Variants in CLASP2 observed in about 807,000 individuals in gnomAD.
The protein encoded by CLASP2 is CLIP-associating protein 2.
In CLASP2, 47 loss-of-function variants were observed where a neutral mutation model predicts 194.4. The observed-to-expected ratio is 0.24, with a 90% confidence interval of 0.19 to 0.31. The LOEUF is 0.31. Ranked by LOEUF, CLASP2 falls within the 10% of genes least tolerant of loss-of-function variation. CLASP2 has a pLI of 1.00. For missense variants in CLASP2, 1,445 were observed against 1,823.6 expected (o/e 0.79, Z 3.78); for synonymous variants, 619 against 633.5 (o/e 0.98, Z 0.34).
intron 30 of CLASP2, among the ~76,000 whole-genome samples, chr3:33,546,921 G>C (rs981558273): frequency 7.2e-5 from 11 of 152,250 alleles, no homozygotes; most frequent in Middle Eastern, 3.4e-3. Flanking sequence ...CTAAGCTTCT[G>C]ATACCATATC....
In CLASP2 at chr3:33,632,332, T is replaced by C. The variant is rs756907900; in HGVS notation, c.902A>G (p.Asp301Gly). The change falls in exon 9 of 39, where the codon GAT (aspartate) becomes GGT (glycine). Residue 301 changes from aspartate to glycine, a missense_variant. Around this residue, in one of 4 missense-constraint regions of CLASP2, gnomAD observed 207 missense variants for 331.4 expected, o/e 0.62. Coordinates refer to ENST00000682230, the MANE Select transcript of CLASP2 (RefSeq NM_001365631.1). ...KEGGAGAVDE[D>G]DFIKAFTDVP... ...ATCTGTAAAAGCTTTTATAAAATCA[T>C]CTTCATCAACTGCTCCAGCACCTCC... The C allele has an allele frequency of 3.1e-6, 5 of 1,605,778 alleles. No individual in the cohort carries two copies. The highest frequency in any genetic ancestry group is 4.5e-5 in the East Asian group (2 of 44,594).
intron 11 of CLASP2, 21 bp from the exon 12 acceptor site, chr3:33,619,759 T>A: frequency 1.3e-6 from 2 of 1,547,886 alleles, no homozygotes; most frequent in Non-Finnish European, 1.7e-6. Context: ...AGACAAAAAG[T>A]ATTTTTTAAT....
At chr3:33,697,746 A>C (rs2092054615) in intron 1 of CLASP2, among the ~76,000 whole-genome samples, 1 of 152,224 alleles carries the variant, frequency 6.6e-6, no homozygotes, top group Admixed American at 6.5e-5. Flanking sequence ...GGTCTACAAA[A>C]TCATGACTGT....
At chr3:33,681,539 A>G (rs1297250753) in intron 6 of CLASP2, among the ~76,000 whole-genome samples, 1 of 152,228 alleles carries the variant, frequency 6.6e-6, no homozygotes, top group Non-Finnish European at 1.5e-5. Flanking sequence ...ATAACATGTT[A>G]AACTATATAC....
chr3:33,515,629 A>G lies in CLASP2; in HGVS notation c.4110+394T>C, dbSNP rs567010504. ...ACACCACTGCACTCCAGCCTGGGCG[A>G]CAGAGTGAGATCCTGATTCAACAAA... On this transcript the variant is annotated intron_variant, in intron 36 of 38. Transcript: ENST00000682230. Among the ~76,000 whole-genome samples the G allele has an allele frequency of 3.9e-5, 6 of 152,262 alleles. No individual in the cohort carries two copies. The East Asian group carries it at 1.2e-3, about 29-fold the overall frequency.
In CLASP2 at chr3:33,700,213, G is replaced by A. The variant is rs542063124; in HGVS notation, c.196-3280C>T. 3.3e-5 allele frequency among the ~76,000 whole-genome samples: 5 copies of A among 152,206 alleles called. No individual in the cohort carries two copies. In the South Asian group the frequency reaches 1.0e-3, roughly 32 times the overall value. On this transcript the variant is annotated intron_variant, in intron 1 of 38. Coordinates refer to ENST00000682230, the MANE Select transcript of CLASP2 (RefSeq NM_001365631.1). ...TTTGGAAGGCAGGAAGATCACCTGA[G>A]GTCAGGAGTTCGAGACCAGCCTGGC...
chr3:33,501,341 G>A (rs527344905), intron 38 of CLASP2, among the ~76,000 whole-genome samples: 1 of 152,146 alleles, frequency 6.6e-6, no homozygotes, highest in East Asian at 1.9e-4. Context: ...CAGTGGTCAG[G>A]GGTAAAGATT....
At chr3:33,708,529 T>C (rs1292032332) in intron 1 of CLASP2, among the ~76,000 whole-genome samples, 4 of 32,704 alleles carry the variant, frequency 1.2e-4, no homozygotes, top group Non-Finnish European at 2.2e-4. Context: ...TATATGTATA[T>C]ATATATGTAT....
At chr3:33,599,104 C>CTTAT (rs10556405) in intron 18 of CLASP2, among the ~76,000 whole-genome samples, 3,216 of 150,360 alleles carry the variant, frequency 0.021, 35 homozygotes, top group East Asian at 0.037. Flanking sequence ...TTGTTGTTGT[C>CTTAT]TTATTTATTT....
chr3:33,708,536 G>GTATA lies in CLASP2; in HGVS notation c.195+9268_195+9271dup, dbSNP rs1559703667. 5.5e-4 allele frequency among the ~76,000 whole-genome samples: 7 copies of GTATA among 12,812 alleles called. No individual in the cohort carries two copies. In the Admixed American group the frequency reaches 7.5e-3, roughly 14 times the overall value. The allele number at this position is 12,812 out of a possible 152,430, so 8.4% of individuals were successfully genotyped here. A position where few individuals can be genotyped will look rare whatever the true frequency, so the allele number is the denominator to read the frequency against. Reference sequence around the variant, plus strand: ...TATATGTATATATGTATATATATATGTATATATGTATATATATATATATAT... The same window carrying GTATA: ...TATATGTATATATGTATATATATATGTATATATATATGTATATATATATATATAT... On this transcript the variant is annotated intron_variant, in intron 1 of 38. Coordinates refer to ENST00000682230, the MANE Select transcript of CLASP2 (RefSeq NM_001365631.1).
At chr3:33,716,413 A>T (rs185052021) in intron 1 of CLASP2, among the ~76,000 whole-genome samples, 88 of 152,334 alleles carry the variant, frequency 5.8e-4, no homozygotes, top group South Asian at 1.5e-3. Context: ...TGATTGCTCA[A>T]CTGTCATTCA....
intron 9 of CLASP2, among the ~76,000 whole-genome samples, chr3:33,629,977 A>G (rs1185732424): frequency 6.6e-6 from 1 of 152,144 alleles, no homozygotes; most frequent in East Asian, 1.9e-4. Flanking sequence ...GATCCTTGAA[A>G]TCGTGCAGAA....
At position 33,624,808 on chromosome 3, in the gene CLASP2, T is replaced by C. The variant is rs564995979; in HGVS notation, c.1035+2180A>G. Reference sequence around the variant, plus strand: ...TGAAACCATAGATAAGGGGAGACTATTGTAACCTGTGATTAAATTGGGTAA... The same window carrying C: ...TGAAACCATAGATAAGGGGAGACTACTGTAACCTGTGATTAAATTGGGTAA... On this transcript the variant is annotated intron_variant, in intron 10 of 38. Coordinates refer to ENST00000682230, the MANE Select transcript of CLASP2 (RefSeq NM_001365631.1). Among the ~76,000 whole-genome samples, 10 of 152,234 alleles carry C rather than the reference T, an allele frequency of 6.6e-5. No homozygotes were observed. In the East Asian group the frequency reaches 1.5e-3, roughly 23 times the overall value.
chr3:33,544,897 G>C, intron 30 of CLASP2, 56 bp from the exon 31 acceptor site: 2 of 1,315,188 alleles, frequency 1.5e-6, no homozygotes, highest in Non-Finnish European at 2.0e-6. Flanking sequence ...AAACAAGACC[G>C]TTTTCTTCCC....
chr3:33,550,074 T>A (rs1344082835), intron 30 of CLASP2, among the ~76,000 whole-genome samples: 1 of 151,954 alleles, frequency 6.6e-6, no homozygotes, highest in Non-Finnish European at 1.5e-5. Flanking sequence ...TGGAAATAAT[T>A]CACCAGAAAA....
In CLASP2 at chr3:33,585,599, T is replaced by A. The variant is rs372720623; in HGVS notation, c.2069-679A>T. ...TTTTTAAAGCTTTATTTCCAATGGT[T>A]TTTGGGGTAGAGGTGGTGTTTGGTG... On this transcript the variant is annotated intron_variant, in intron 21 of 38. Transcript: ENST00000682230. Among the ~76,000 whole-genome samples, 19 of 152,296 alleles carry A rather than the reference T, an allele frequency of 1.2e-4. No individual in the cohort carries two copies. In the East Asian group the frequency reaches 2.5e-3, roughly 20 times the overall value.
In CLASP2 at chr3:33,568,027, T is replaced by C. The variant is rs190258981; in HGVS notation, c.2764-1293A>G. ...TTGTGGTTAATTATTTATTTCTATA[T>C]GGGTATATGAAGGAAAAAAAGTTCA... On this transcript the variant is annotated intron_variant, in intron 26 of 38. Coordinates refer to ENST00000682230, the MANE Select transcript of CLASP2 (RefSeq NM_001365631.1). Among the ~76,000 whole-genome samples, 10 of 152,340 alleles carry C rather than the reference T, an allele frequency of 6.6e-5. No individual in the cohort carries two copies. In the East Asian group the frequency reaches 1.7e-3, roughly 26 times the overall value.
intron 33 of CLASP2, 38 bp from the exon 34 acceptor site, chr3:33,535,499 A>C: frequency 7.5e-6 from 11 of 1,466,144 alleles, no homozygotes; most frequent in African/African-American, 1.4e-5. Context: ...AAATTAACTC[A>C]TTTTTCAAGT....
chr3:33,691,237 A>G (rs1302422790), intron 2 of CLASP2, among the ~76,000 whole-genome samples: 2 of 152,166 alleles, frequency 1.3e-5, no homozygotes, highest in Admixed American at 1.3e-4. Context: ...CTTTCTCTGA[A>G]TCAACGGAGG....
Sources: gnomAD v4.1 joint callset for allele counts (sites outside exome capture counted in the v4.1 genomes callset) on GRCh38, gnomAD v4.1.1 for gene constraint, gnomAD v4.1.1 regional missense constraint, MANE v1.5 for transcripts, NCBI Gene and HGNC (gene_info 2026-07-23, HGNC 2026-07-21) for gene names.